Variants in SKI observed in about 807,000 individuals in gnomAD.
SKI encodes the protein ski oncogene.
In SKI, 23 loss-of-function variants were observed where a neutral mutation model predicts 59.3. That is an observed-to-expected ratio of 0.39 (90% CI 0.28 to 0.55). SKI has a LOEUF of 0.55. Among genes scored for constraint, SKI ranks in the 20% least tolerant of loss-of-function variants. The pLI, the probability that SKI is intolerant of heterozygous loss-of-function variation, is 0.67. For synonymous variants in SKI, 673 were observed against 488.6 expected (o/e 1.38, Z -4.98); for missense variants, 1,017 against 1,038.9 (o/e 0.98, Z 0.29).
At chr1:2,292,060 C>T (rs1189564685) in intron 1 of SKI, among the ~76,000 whole-genome samples, 2 of 152,220 alleles carry the variant, frequency 1.3e-5, no homozygotes, top group Admixed American at 6.5e-5. Flanking sequence ...GTGAAATCTT[C>T]AGAGAAGGCC....
intron 1 of SKI, among the ~76,000 whole-genome samples, chr1:2,274,539 C>G (rs1366639903): frequency 6.6e-6 from 1 of 152,202 alleles, no homozygotes; most frequent in African/African-American, 2.4e-5. Context: ...TCAGTCCTCC[C>G]CAGGGGCCAC....
intron 1 of SKI, among the ~76,000 whole-genome samples, chr1:2,279,041 A>G (rs915329841): frequency 3.3e-5 from 5 of 152,124 alleles, no homozygotes; most frequent in African/African-American, 4.8e-5. Flanking sequence ...CACTCTGGCC[A>G]GCTGCTCGGG....
In SKI at chr1:2,302,883, A is replaced by C. The variant is rs992972871; in HGVS notation, c.970-95A>C. ...TCAGGGTCGTTTGTGGCCGGAGTGC[A>C]TGGGGCTCTGACTGCCATGTGCCAG... On this transcript the variant is annotated intron_variant, in intron 1 of 6. Coordinates refer to ENST00000378536, the MANE Select transcript of SKI (RefSeq NM_003036.4). 2.1e-5 allele frequency: 32 copies of C among 1,535,956 alleles called. No individual in the cohort carries two copies. In the African/African-American group the frequency reaches 4.1e-4, roughly 20 times the overall value.
chr1:2,301,862 G>T (rs1640433495), intron 1 of SKI, among the ~76,000 whole-genome samples: 1 of 152,242 alleles, frequency 6.6e-6, no homozygotes, highest in Non-Finnish European at 1.5e-5. Context: ...GCCCTGTGTG[G>T]CCTGTTCTGC....
At chr1:2,288,874 G>A (rs1046703687) in intron 1 of SKI, among the ~76,000 whole-genome samples, 22 of 152,096 alleles carry the variant, frequency 1.4e-4, no homozygotes, top group African/African-American at 3.6e-4. Context: ...CCCTCCCCCC[G>A]CCACGTGTGT....
chr1:2,245,788 C>CTTTTTTTTT lies in SKI; in HGVS notation c.969+16071_969+16079dup, dbSNP rs766445644. ...ACTGCACCTGGCCCTATTTTTCCTT[C>CTTTTTTTTT]TTTTTTTTTTTTTTTTTTTTTTTTT... On this transcript the variant is annotated intron_variant, in intron 1 of 6. Transcript: ENST00000378536. 6.4e-4 allele frequency among the ~76,000 whole-genome samples: 45 copies of CTTTTTTTTT among 70,376 alleles called. 8 individuals carry two copies. The highest frequency in any genetic ancestry group is 1.3e-3 in the South Asian group (2 of 1,568). 46.2% of individuals were successfully genotyped at this position (70,376 alleles called of 152,430 possible). A position where few individuals can be genotyped will look rare whatever the true frequency, so the allele number is the denominator to read the frequency against.
chr1:2,234,996 G>T (rs2100799662), intron 1 of SKI, among the ~76,000 whole-genome samples: 1 of 151,802 alleles, frequency 6.6e-6, no homozygotes, highest in East Asian at 1.9e-4. Context: ...TTCCTGCCCT[G>T]CCCTGGCTGT....
rs1054495063 is a variant in SKI at position 2,269,535 on chromosome 1, G to A, written c.970-33443G>A. Among the ~76,000 whole-genome samples the A allele has an allele frequency of 3.9e-5, 6 of 152,370 alleles. No homozygotes were observed. The South Asian group carries it at 8.3e-4, about 21-fold the overall frequency. The stretch of plus-strand genomic sequence containing the variant: ...CTGGGTTCATCCCCGTTCCAGGCCC[G>A]CACTAGTGGCGCCTGGTTATCAGGT... On this transcript the variant is annotated intron_variant, in intron 1 of 6. Transcript: ENST00000378536. The surrounding 1 kb of genome is among the most constrained non-coding windows in gnomAD (Gnocchi z 4.7).
At chr1:2,240,848 G>A in intron 1 of SKI, 1 of 962,054 alleles carries the variant, frequency 1.0e-6, no homozygotes. Flanking sequence ...CCAGTGTGGG[G>A]GCCGTCCACA....
intron 1 of SKI, among the ~76,000 whole-genome samples, chr1:2,273,166 G>A (rs1020685663): frequency 6.6e-6 from 1 of 152,190 alleles, no homozygotes; most frequent in African/African-American, 2.4e-5. Flanking sequence ...CCCACCTGGG[G>A]GTGTCTGGGC....
rs79956889 is a variant in SKI at position 2,276,290 on chromosome 1, C to T, written c.970-26688C>T. Among the ~76,000 whole-genome samples the T allele has an allele frequency of 1.6e-3, 240 of 151,860 alleles. 3 individuals are homozygous for T. In the East Asian group the frequency reaches 0.036, roughly 23 times the overall value. ...GGCTGTGGCTGGCTACCCCAGGTGG[C>T]TCCACCCAGCTCTCAGAAGTTCACC... On this transcript the variant is annotated intron_variant, in intron 1 of 6. Coordinates refer to ENST00000378536, the MANE Select transcript of SKI (RefSeq NM_003036.4).
intron 1 of SKI, among the ~76,000 whole-genome samples, chr1:2,263,379 A>G (rs1639428800): frequency 6.6e-6 from 1 of 151,792 alleles, no homozygotes; most frequent in Non-Finnish European, 1.5e-5. Context: ...TAGGGATTAC[A>G]GGCGCATGCC....
At chr1:2,239,453 C>T (rs374479136) in intron 1 of SKI, among the ~76,000 whole-genome samples, 29 of 152,334 alleles carry the variant, frequency 1.9e-4, no homozygotes, top group African/African-American at 6.0e-4. Context: ...CTGCCTCGTG[C>T]GTGGTCTTGA....
At chr1:2,246,287 A>G (rs1364972585) in intron 1 of SKI, among the ~76,000 whole-genome samples, 1 of 151,876 alleles carries the variant, frequency 6.6e-6, no homozygotes, top group African/African-American at 2.4e-5. Flanking sequence ...GATGATTAGT[A>G]TGTTGGGCAT....
chr1:2,296,577 T>TTG (rs1267344308), intron 1 of SKI, among the ~76,000 whole-genome samples: 2 of 152,202 alleles, frequency 1.3e-5, no homozygotes, highest in African/African-American at 2.4e-5. Flanking sequence ...GGGTTGTGTT[T>TTG]TGTGTTTTCC....
chr1:2,256,163 A>T lies in SKI; in HGVS notation c.969+26428A>T, dbSNP rs1457405396. On this transcript the variant is annotated intron_variant, in intron 1 of 6. Transcript: ENST00000378536. ...CTGTGCCACTCTGTGTCCTGACCTC[A>T]TTTCTTATCTGTGCCACTCTGTGTC... Among the ~76,000 whole-genome samples the T allele has an allele frequency of 2.1e-5, 3 of 140,292 alleles. No homozygotes were observed. In the Admixed American group the frequency reaches 2.2e-4, roughly 10 times the overall value. 92.0% of individuals were successfully genotyped at this position (140,292 alleles called of 152,430 possible).
At chr1:2,297,331 C>G (rs1323476815) in intron 1 of SKI, among the ~76,000 whole-genome samples, 1 of 152,194 alleles carries the variant, frequency 6.6e-6, no homozygotes, top group Non-Finnish European at 1.5e-5. Flanking sequence ...TCAGCCACAC[C>G]GAAGAGAACC....
chr1:2,264,965 C>T (rs766859975), intron 1 of SKI, among the ~76,000 whole-genome samples: 2 of 152,106 alleles, frequency 1.3e-5, no homozygotes, highest in African/African-American at 2.4e-5. Flanking sequence ...CACCCGCCAC[C>T]ACGCCTGGCT....
At chr1:2,282,099 A>C (rs1203230730) in intron 1 of SKI, among the ~76,000 whole-genome samples, 9 of 80,906 alleles carry the variant, frequency 1.1e-4, no homozygotes, top group African/African-American at 1.6e-4. Flanking sequence ...GCGGTGGCGG[A>C]GATCTTCAGA....
Sources: gnomAD v4.1 joint callset for allele counts (sites outside exome capture counted in the v4.1 genomes callset) on GRCh38, gnomAD v4.1.1 for gene constraint, Gnocchi (gnomAD v3.1) non-coding constraint, MANE v1.5 for transcripts, NCBI Gene and HGNC (gene_info 2026-07-23, HGNC 2026-07-21) for gene names.